The following ROBO1 variants were observed in gnomAD, a reference collection of about 807,000 sequenced individuals.
ROBO1 encodes the protein roundabout guidance receptor 1.
A neutral mutation model predicts 195.9 loss-of-function variants in ROBO1; 149 were observed. The ratio of observed to expected loss-of-function variants is 0.76; its 90% CI spans 0.67 to 0.87. The LOEUF (loss-of-function observed/expected upper bound fraction) is 0.87. Ranked by LOEUF, ROBO1 falls within the 40% of genes least tolerant of loss-of-function variation. ROBO1 has a pLI of 0.00. For missense variants in ROBO1, 1,933 were observed against 2,068.3 expected, an observed-to-expected ratio of 0.93 and a Z score of 1.27; for synonymous variants, 816 against 733.2, an observed-to-expected ratio of 1.11 and a Z score of -1.82.
intron 2 of ROBO1, among the ~76,000 whole-genome samples, chr3:79,336,644 G>A (rs921361330): frequency 6.6e-6 from 1 of 152,218 alleles, no homozygotes; most frequent in African/African-American, 2.4e-5. Flanking sequence ...AGGGAAATGT[G>A]GAGTTGGAAC....
At chr3:78,802,303 A>G (rs2084394022) in intron 4 of ROBO1, among the ~76,000 whole-genome samples, 1 of 152,202 alleles carries the variant, frequency 6.6e-6, no homozygotes, top group African/African-American at 2.4e-5. Context: ...GATACAACAC[A>G]TTGATCCTTG....
chr3:79,150,811 C>G (rs997709594), intron 2 of ROBO1, among the ~76,000 whole-genome samples: 13 of 151,826 alleles, frequency 8.6e-5, no homozygotes, highest in African/African-American at 2.9e-4. Context: ...ATGCCCACCA[C>G]CAATACACAT....
chr3:79,572,342 T>TTCAA (rs1417774561), intron 2 of ROBO1, among the ~76,000 whole-genome samples: 4 of 152,056 alleles, frequency 2.6e-5, no homozygotes, highest in African/African-American at 9.7e-5. Flanking sequence ...GATGAAACAC[T>TTCAA]TCAATCTGAT....
chr3:79,536,608 GCTAA>G (rs996330036), intron 2 of ROBO1, among the ~76,000 whole-genome samples: 1 of 152,058 alleles, frequency 6.6e-6, no homozygotes, highest in Non-Finnish European at 1.5e-5. Flanking sequence ...ATAATAGCCT[GCTAA>G]CTAATCAAGT....
Position 79,252,750 on chromosome 3 carries a change from T to C in ROBO1, c.89-127211A>G, listed in dbSNP as rs375967989. On this transcript the variant is annotated intron_variant, in intron 2 of 30. Transcript: ENST00000464233. ...AAGATTACTTAGGATTCTACTCATA[T>C]AATAAATATAGCCAAAAATGGCTCT... Among the ~76,000 whole-genome samples, 219 of 152,318 alleles carry C rather than the reference T, an allele frequency of 1.4e-3. 1 individual carries two copies. Among genetic ancestry groups the C allele is most frequent in the African/African-American group, 5.0e-3 (208 of 41,572 alleles).
chr3:79,254,069 T>C (rs914520120), intron 2 of ROBO1, among the ~76,000 whole-genome samples: 2 of 152,184 alleles, frequency 1.3e-5, no homozygotes, highest in Admixed American at 1.3e-4. Context: ...ATGCTTTCCT[T>C]AACTCTAATA....
chr3:78,779,328 A>T (rs1455251953), intron 4 of ROBO1, among the ~76,000 whole-genome samples: 1 of 152,162 alleles, frequency 6.6e-6, no homozygotes, highest in Non-Finnish European at 1.5e-5. Flanking sequence ...CAACCTACAG[A>T]ATGGGAGAAA....
chr3:79,419,977 T>C (rs566701739), intron 2 of ROBO1, among the ~76,000 whole-genome samples: 3 of 152,226 alleles, frequency 2.0e-5, no homozygotes, highest in South Asian at 4.1e-4. Flanking sequence ...GAAATTTACT[T>C]CTGGCTCTCT....
intron 2 of ROBO1, among the ~76,000 whole-genome samples, chr3:79,441,664 C>T (rs543047689): frequency 2.0e-5 from 3 of 152,128 alleles, no homozygotes; most frequent in African/African-American, 7.2e-5. Context: ...AATTGGTCAT[C>T]TTAGATATAA....
chr3:78,852,762 T>C (rs1000764394), intron 4 of ROBO1, among the ~76,000 whole-genome samples: 4 of 152,068 alleles, frequency 2.6e-5, no homozygotes, highest in Non-Finnish European at 4.4e-5. Flanking sequence ...AATGATAACT[T>C]TGAATTCACA....
chr3:79,197,756 T>C (rs1448571759), intron 2 of ROBO1, among the ~76,000 whole-genome samples: 1 of 152,136 alleles, frequency 6.6e-6, no homozygotes, highest in Non-Finnish European at 1.5e-5. Flanking sequence ...TGATATCTTA[T>C]TGTGGTTTTG....
intron 4 of ROBO1, among the ~76,000 whole-genome samples, chr3:78,748,338 C>T (rs900514191): frequency 2.6e-5 from 4 of 151,822 alleles, no homozygotes; most frequent in African/African-American, 4.8e-5. Flanking sequence ...CCAGCTACTC[C>T]GGAGGCTGAG....
At chr3:78,732,078 G>C (rs1044618598) in intron 5 of ROBO1, among the ~76,000 whole-genome samples, 1 of 152,078 alleles carries the variant, frequency 6.6e-6, no homozygotes. Flanking sequence ...AAGGCTCTGA[G>C]AGTATCAAAA....
chr3:78,816,651 G>A (rs548338715), intron 4 of ROBO1, among the ~76,000 whole-genome samples: 144 of 152,238 alleles, frequency 9.5e-4, no homozygotes, highest in Non-Finnish European at 1.4e-3. Context: ...GAGTATAGAA[G>A]AAGTTTATTT....
At chr3:79,620,187 A>G (rs1284978450) in intron 1 of ROBO1, among the ~76,000 whole-genome samples, 1 of 152,076 alleles carries the variant, frequency 6.6e-6, no homozygotes, top group Non-Finnish European at 1.5e-5. Flanking sequence ...TGGAAATTGG[A>G]CTGTCTAACT....
intron 1 of ROBO1, among the ~76,000 whole-genome samples, chr3:79,591,948 T>G (rs532055107): frequency 6.6e-6 from 1 of 151,956 alleles, no homozygotes; most frequent in African/African-American, 2.4e-5. Context: ...CTCTGATTTC[T>G]TAAATGTGTA....
intron 3 of ROBO1, among the ~76,000 whole-genome samples, chr3:79,033,088 T>C (rs1028103096): frequency 8.5e-5 from 13 of 152,086 alleles, no homozygotes; most frequent in Admixed American, 2.0e-4. Flanking sequence ...GATTTTAGTT[T>C]TTGTATTAGC....
At chr3:78,674,955 A>G (rs1017617413) in intron 10 of ROBO1, among the ~76,000 whole-genome samples, 3 of 152,134 alleles carry the variant, frequency 2.0e-5, no homozygotes, top group African/African-American at 7.2e-5. Flanking sequence ...TATGGCTTTC[A>G]CAATCATTAT....
intron 8 of ROBO1, among the ~76,000 whole-genome samples, chr3:78,700,363 CT>C (rs2081392171): frequency 6.6e-6 from 1 of 152,158 alleles, no homozygotes; most frequent in Non-Finnish European, 1.5e-5. Flanking sequence ...ATAGAAAGTG[CT>C]CAAGAATTGG....
Sources: gnomAD v4.1 joint callset for allele counts (sites outside exome capture counted in the v4.1 genomes callset) on GRCh38, gnomAD v4.1.1 for gene constraint, MANE v1.5 for transcripts, NCBI Gene and HGNC (gene_info 2026-07-23, HGNC 2026-07-21) for gene names.